TMEM45A: variants seen among roughly 807,000 people sequenced by gnomAD.
TMEM45A encodes the protein DNA polymerase-transactivated protein 4.
TMEM45A carries 25 observed loss-of-function variants against 32.0 expected under a neutral mutation model. The observed-to-expected ratio is 0.78, with a 90% CI of 0.57 to 1.09. TMEM45A has a LOEUF of 1.09. Among genes scored for constraint, TMEM45A ranks in the 50% least tolerant of loss-of-function variants. The pLI, the probability that TMEM45A is intolerant of heterozygous loss-of-function variation, is 0.00. For synonymous variants in TMEM45A, 122 were observed against 114.8 expected, an observed-to-expected ratio of 1.06 and a Z score of -0.40; for missense variants, 302 against 325.0, an observed-to-expected ratio of 0.93 and a Z score of 0.54.
At chr3:100,532,694 G>A (rs1413586661) in intron 1 of TMEM45A, among the ~76,000 whole-genome samples, 4 of 152,190 alleles carry the variant, frequency 2.6e-5, no homozygotes, top group Non-Finnish European at 5.9e-5. Flanking sequence ...ATGGAGATGA[G>A]TGGAAATGAT....
chr3:100,528,103 A>G (rs1705580464), intron 1 of TMEM45A, among the ~76,000 whole-genome samples: 1 of 152,234 alleles, frequency 6.6e-6, no homozygotes, highest in Non-Finnish European at 1.5e-5. Context: ...TTTAAATTTC[A>G]CTGGGTGTTC....
chr3:100,540,600 A>G (rs991817534), intron 1 of TMEM45A, among the ~76,000 whole-genome samples: 3 of 152,210 alleles, frequency 2.0e-5, no homozygotes, highest in African/African-American at 7.2e-5. Context: ...GGAATGCAAC[A>G]TGGTACAGCT....
At chr3:100,524,801 C>T (rs893543015) in intron 1 of TMEM45A, among the ~76,000 whole-genome samples, 1 of 152,302 alleles carries the variant, frequency 6.6e-6, no homozygotes, top group Middle Eastern at 3.4e-3. Context: ...ACCTTCCTTC[C>T]TGCAATGACA....
At chr3:100,575,115 G>C (rs1328786491) in intron 5 of TMEM45A, among the ~76,000 whole-genome samples, 6 of 152,138 alleles carry the variant, frequency 3.9e-5, no homozygotes, top group Non-Finnish European at 1.5e-5. Context: ...AGTGATATTG[G>C]TGATTTGGCT....
At chr3:100,503,681 C>A (rs1576256536) in intron 1 of TMEM45A, among the ~76,000 whole-genome samples, 1 of 152,276 alleles carries the variant, frequency 6.6e-6, no homozygotes, top group East Asian at 1.9e-4. Flanking sequence ...GAAGCTTTTT[C>A]TTCACAGGAA....
chr3:100,538,315 GCT>G (rs1470805598), intron 1 of TMEM45A, among the ~76,000 whole-genome samples: 4 of 152,106 alleles, frequency 2.6e-5, no homozygotes, highest in Non-Finnish European at 5.9e-5. Flanking sequence ...CTATTATTTG[GCT>G]CTAAACCTTT....
intron 1 of TMEM45A, among the ~76,000 whole-genome samples, chr3:100,503,004 CCTT>C (rs1432634992): frequency 4.6e-5 from 7 of 151,360 alleles, no homozygotes; most frequent in African/African-American, 1.5e-4. Flanking sequence ...TCCTCCTCCT[CCTT>C]CTCCTCCTTC....
At chr3:100,572,322 G>A (rs1706580819) in intron 5 of TMEM45A, 1 of 151,946 alleles carries the variant, frequency 6.6e-6, no homozygotes, top group Non-Finnish European at 1.5e-5. Flanking sequence ...TCTCATTGTG[G>A]TTTTGATTTG....
rs534573424 is a variant in TMEM45A at position 100,567,433 on chromosome 3, C to T, written c.589-1389C>T. Among the ~76,000 whole-genome samples, 11 of 143,332 alleles carry T rather than the reference C, an allele frequency of 7.7e-5. No individual in the cohort carries two copies. The South Asian group carries it at 2.1e-3, about 28-fold the overall frequency. The allele number at this position is 143,332 out of a possible 152,430, so 94.0% of individuals were successfully genotyped here. On this transcript the variant is annotated intron_variant, in intron 4 of 5. Transcript: ENST00000323523. ...GTAGCTCTGTAGTATTGAAGTCCTC[C>T]AGCTTTCTTTTTTAAGGTTGTTTTG...
At chr3:100,556,710 G>A (rs1706227169) in intron 2 of TMEM45A, 50 bp from the exon 3 acceptor site, 2 of 1,523,342 alleles carry the variant, frequency 1.3e-6, no homozygotes, top group African/African-American at 2.7e-5. Context: ...GCATCTTCTT[G>A]AATTCTATGT....
chr3:100,572,916 T>C (rs1274775193), intron 5 of TMEM45A: 5 of 150,826 alleles, frequency 3.3e-5, no homozygotes, highest in Admixed American at 6.6e-5. Context: ...GTTGTAGATA[T>C]GTGGCATTAT....
rs1401006063 is a variant in TMEM45A, at chr3:100,517,015, T to C, written c.-4+24087T>C. 3.3e-5 allele frequency among the ~76,000 whole-genome samples: 5 copies of C among 152,198 alleles called. No individual in the cohort carries two copies. The East Asian group carries it at 9.6e-4, about 29-fold the overall frequency. On this transcript the variant is annotated intron_variant, in intron 1 of 5. Transcript: ENST00000323523. ...TGGAGAACAGCATCTGCTCTCACAT[T>C]GAGCCTGGTTAAGCCTTTGAATTTT...
At chr3:100,500,305 G>T (rs1195805648) in intron 1 of TMEM45A, among the ~76,000 whole-genome samples, 1 of 152,098 alleles carries the variant, frequency 6.6e-6, no homozygotes, top group African/African-American at 2.4e-5. Context: ...TGTCCACTGA[G>T]ACCCAGAGAT....
chr3:100,518,217 A>G (rs1281970245), intron 1 of TMEM45A, among the ~76,000 whole-genome samples: 1 of 152,212 alleles, frequency 6.6e-6, no homozygotes, highest in African/African-American at 2.4e-5. Context: ...TTCTGCCTCT[A>G]TGCTTTCAGG....
At chr3:100,547,039 C>T (rs544365792) in intron 1 of TMEM45A, among the ~76,000 whole-genome samples, 1 of 152,254 alleles carries the variant, frequency 6.6e-6, no homozygotes, top group South Asian at 2.1e-4. Flanking sequence ...TTTACTTCCC[C>T]CAAACTTGAC....
intron 4 of TMEM45A, among the ~76,000 whole-genome samples, chr3:100,567,484 A>G (rs918914966): frequency 1.2e-4 from 18 of 144,630 alleles, no homozygotes; most frequent in Admixed American, 1.2e-3. Flanking sequence ...TTGCAATTCC[A>G]TATGAGTTAC....
intron 1 of TMEM45A, among the ~76,000 whole-genome samples, chr3:100,523,527 C>T (rs965232351): frequency 2.6e-5 from 4 of 152,220 alleles, no homozygotes; most frequent in Admixed American, 6.5e-5. Context: ...ATGAGAAATT[C>T]CATTGGGTTC....
chr3:100,494,216 A>G (rs1290237764), intron 1 of TMEM45A, among the ~76,000 whole-genome samples: 1 of 152,186 alleles, frequency 6.6e-6, no homozygotes, highest in Non-Finnish European at 1.5e-5. Context: ...TGTTTAACCA[A>G]TGTTTTGGAT....
intron 1 of TMEM45A, among the ~76,000 whole-genome samples, chr3:100,498,206 G>A (rs984003210): frequency 2.0e-5 from 3 of 152,168 alleles, no homozygotes; most frequent in African/African-American, 7.2e-5. Flanking sequence ...AGTTTCCTAA[G>A]CCTCCCCAGC....
Sources: gnomAD v4.1 joint callset for allele counts (sites outside exome capture counted in the v4.1 genomes callset) on GRCh38, gnomAD v4.1.1 for gene constraint, MANE v1.5 for transcripts, NCBI Gene and HGNC (gene_info 2026-07-23, HGNC 2026-07-21) for gene names.